PCMTD1: variants seen among roughly 807,000 people sequenced by gnomAD.
PCMTD1 encodes protein-L-isoaspartate (D-aspartate) O-methyltransferase domain containing 1.
In PCMTD1, 12 loss-of-function variants were observed where a neutral mutation model predicts 37.6. The observed-to-expected ratio is 0.32, with a 90% CI of 0.20 to 0.52. The LOEUF is 0.52. Ranked by LOEUF, PCMTD1 falls within the 20% of genes least tolerant of loss-of-function variation. The probability of loss-of-function intolerance (pLI) is 0.97; values close to 1 mark genes in which losing one functional copy is unlikely to be tolerated. For missense variants in PCMTD1, 235 were observed against 421.3 expected, an observed-to-expected ratio of 0.56 and a Z score of 3.87; for synonymous variants, 117 against 135.8, an observed-to-expected ratio of 0.86 and a Z score of 0.96.
chr8:51,839,623 T>C (rs1181843458), intron 3 of PCMTD1: 2 of 985,284 alleles, frequency 2.0e-6, no homozygotes, highest in African/African-American at 1.7e-5. Context: ...ACGGATAGTC[T>C]AGGTCTAGGA....
intron 1 of PCMTD1, among the ~76,000 whole-genome samples, chr8:51,883,654 T>G (rs2038823982): frequency 6.6e-6 from 1 of 152,170 alleles, no homozygotes; most frequent in Non-Finnish European, 1.5e-5. Flanking sequence ...AACCAAGGTA[T>G]GTGTATTTTC....
chr8:51,883,063 G>A (rs1447766300), intron 1 of PCMTD1, among the ~76,000 whole-genome samples: 3 of 151,840 alleles, frequency 2.0e-5, no homozygotes, highest in Non-Finnish European at 4.4e-5. Context: ...CGTGAACCCA[G>A]GAGGCAGAGC....
Position 51,861,019 on chromosome 8 carries a change from C to T in PCMTD1, c.133G>A (p.Gly45Ser). The T allele has an allele frequency of 6.2e-7, 1 of 1,614,098 alleles. No individual in the cohort carries two copies. Among genetic ancestry groups the T allele is most frequent in the South Asian group, 1.1e-5 (1 of 91,070 alleles). Reference protein sequence around the residue: ...AIDRGDYYLEGYRDNAYKDLA... With the variant: ...AIDRGDYYLESYRDNAYKDLA... ...TCTTTGTAAGCATTGTCTCTGTAGC[C>T]TTCCAAATAGTAATCTCCACGATCA... is the stretch of plus-strand genomic sequence containing the variant. The change falls in exon 2 of 6, where the codon GGC becomes AGC. Residue 45 changes from glycine to serine, a missense_variant. Gly to Ser is a moderately conservative substitution (Grantham distance 56). Transcript: ENST00000522514.
chr8:51,895,081 G>C (rs545299706), intron 1 of PCMTD1, among the ~76,000 whole-genome samples: 34 of 152,186 alleles, frequency 2.2e-4, no homozygotes, highest in Non-Finnish European at 3.8e-4. Flanking sequence ...ATGAGCAGTT[G>C]AAACCACGGA....
intron 5 of PCMTD1, 85 bp from the exon 6 acceptor site, chr8:51,820,803 GT>G (rs1244438812): frequency 7.5e-7 from 1 of 1,334,514 alleles, no homozygotes; most frequent in African/African-American, 1.5e-5. Flanking sequence ...AACAAAATGT[GT>G]TTCTTAGCAT....
chr8:51,857,108 C>G (rs577660323), intron 2 of PCMTD1, among the ~76,000 whole-genome samples: 1 of 152,338 alleles, frequency 6.6e-6, no homozygotes, highest in South Asian at 2.1e-4. Context: ...CGTCCCATGA[C>G]AAAGAGAGAG....
rs765483603 is a variant in PCMTD1 at position 51,876,757 on chromosome 8, CATAAA to C, written c.-95-15516_-95-15512del. Among the ~76,000 whole-genome samples, 43 of 152,124 alleles carry C rather than the reference CATAAA, an allele frequency of 2.8e-4. 1 individual carries two copies. Among genetic ancestry groups the C allele is most frequent in the African/African-American group, 9.9e-4 (41 of 41,498 alleles). ...TAAACAAGAGATTGATGATAATAGT[CATAAA>C]ATAAAATGAGAATCAAAGAGTCCAT... On this transcript the variant is annotated intron_variant, in intron 1 of 5. Transcript: ENST00000522514.
chr8:51,894,591 CAT>C (rs1432664767), intron 1 of PCMTD1, among the ~76,000 whole-genome samples: 1 of 152,206 alleles, frequency 6.6e-6, no homozygotes, highest in Non-Finnish European at 1.5e-5. Flanking sequence ...CACTGACTGA[CAT>C]AAACACCCAA....
intron 1 of PCMTD1, among the ~76,000 whole-genome samples, chr8:51,863,450 C>T (rs1201791809): frequency 6.6e-6 from 1 of 152,216 alleles, no homozygotes; most frequent in Admixed American, 6.5e-5. Flanking sequence ...CATTTACTGA[C>T]AAACACTGTA....
At chr8:51,899,149 G>C, upstream of PCMTD1, 2 of 1,350,968 alleles carry the variant, frequency 1.5e-6, no homozygotes, top group Non-Finnish European at 1.9e-6. Flanking sequence ...GCTCCCCGCG[G>C]ACGCCAAAGT....
intron 4 of PCMTD1, 128 bp downstream of exon 4, chr8:51,833,385 AATAAG>A (rs1044835445): frequency 2.9e-4 from 14 of 47,666 alleles, no homozygotes; most frequent in Non-Finnish European, 1.9e-3. Flanking sequence ...TTTCTAAACA[AATAAG>A]ATAAATCTGG....
chr8:51,888,748 G>A (rs1244774536), intron 1 of PCMTD1, among the ~76,000 whole-genome samples: 1 of 152,136 alleles, frequency 6.6e-6, no homozygotes, highest in Non-Finnish European at 1.5e-5. Context: ...CCTTTAAGTT[G>A]CAAAGATTAA....
intron 1 of PCMTD1, among the ~76,000 whole-genome samples, chr8:51,874,382 C>A (rs2038683376): frequency 6.6e-6 from 1 of 150,868 alleles, no homozygotes; most frequent in African/African-American, 2.4e-5. Flanking sequence ...CAACATGGAA[C>A]CACCAAGTTA....
At chr8:51,886,528 C>A (rs1298188218) in intron 1 of PCMTD1, among the ~76,000 whole-genome samples, 1 of 152,114 alleles carries the variant, frequency 6.6e-6, no homozygotes, top group Non-Finnish European at 1.5e-5. Flanking sequence ...CAACTTTTAT[C>A]AATAAAGAAA....
chr8:51,877,765 C>T (rs1450389105), intron 1 of PCMTD1, among the ~76,000 whole-genome samples: 1 of 152,066 alleles, frequency 6.6e-6, no homozygotes, highest in Non-Finnish European at 1.5e-5. Flanking sequence ...GAAAAAGATA[C>T]CTACAGGACA....
chr8:51,856,104 A>G (rs1467969933), intron 2 of PCMTD1, among the ~76,000 whole-genome samples: 1 of 152,184 alleles, frequency 6.6e-6, no homozygotes, highest in Non-Finnish European at 1.5e-5. Flanking sequence ...GAGCATGAAA[A>G]AACATTTGAA....
intron 5 of PCMTD1, among the ~76,000 whole-genome samples, chr8:51,829,438 T>G (rs2037968860): frequency 6.6e-6 from 1 of 152,178 alleles, no homozygotes; most frequent in Non-Finnish European, 1.5e-5. Flanking sequence ...TTCCTTTCTC[T>G]TTTCCTCTGG....
intron 5 of PCMTD1, 142 bp downstream of exon 5, chr8:51,831,302 A>T: frequency 1.0e-6 from 1 of 953,454 alleles, no homozygotes; most frequent in South Asian, 2.0e-5. Context: ...TCTCCAAAAA[A>T]AAAAAAAAAG....
chr8:51,875,012 T>C (rs921591533), intron 1 of PCMTD1, among the ~76,000 whole-genome samples: 1 of 152,234 alleles, frequency 6.6e-6, no homozygotes, highest in Admixed American at 6.5e-5. Flanking sequence ...GCAAGTTATA[T>C]ATTCTCAGAA....
Sources: allele counts gnomAD v4.1 joint callset (sites outside exome capture counted in the v4.1 genomes callset), GRCh38; gene constraint gnomAD v4.1.1; transcripts MANE v1.5; gene names NCBI Gene and HGNC (gene_info 2026-07-23, HGNC 2026-07-21).